The following ACSM1 variants were observed in gnomAD, a reference collection of about 807,000 sequenced individuals.
ACSM1 encodes the protein acyl-coenzyme A synthetase ACSM1, mitochondrial.
ACSM1 carries 79 observed loss-of-function variants against 75.8 expected under a neutral mutation model. That is an observed-to-expected ratio of 1.04 (90% CI 0.87 to 1.26). The LOEUF (loss-of-function observed/expected upper bound fraction) is 1.26, where lower values mean the gene tolerates loss of function less well. ACSM1 is among the 50% of genes most tolerant of loss of function. ACSM1 has a pLI of 0.00. For missense variants in ACSM1, 676 were observed against 720.1 expected, an observed-to-expected ratio of 0.94 and a Z score of 0.70; for synonymous variants, 279 against 265.8, an observed-to-expected ratio of 1.05 and a Z score of -0.48.
chr16:20,695,680 C>CATCT (rs35535609), intron 1 of ACSM1, among the ~76,000 whole-genome samples: 46,536 of 150,908 alleles, frequency 0.31, 7,467 homozygotes, highest in East Asian at 0.5. Flanking sequence ...ATCTATCTAT[C>CATCT]ATCTATCTAT....
intron 10 of ACSM1, among the ~76,000 whole-genome samples, chr16:20,636,443 G>A (rs918523030): frequency 6.6e-6 from 1 of 152,158 alleles, no homozygotes. Flanking sequence ...TTGTTGGTAA[G>A]TGAGATGGTA....
intron 1 of ACSM1, among the ~76,000 whole-genome samples, chr16:20,692,069 G>A (rs1383862222): frequency 2.0e-5 from 3 of 152,180 alleles, no homozygotes; most frequent in African/African-American, 7.2e-5. Flanking sequence ...TCCTTTGCCT[G>A]AGACTGGGTT....
intron 7 of ACSM1, among the ~76,000 whole-genome samples, chr16:20,642,391 T>C (rs914270027): frequency 8.5e-5 from 13 of 152,212 alleles, no homozygotes; most frequent in African/African-American, 3.1e-4. Context: ...CTCCTCTTAA[T>C]GGGTGAGAAG....
chr16:20,644,089 A>G (rs1269352709), intron 7 of ACSM1, among the ~76,000 whole-genome samples: 2 of 152,164 alleles, frequency 1.3e-5, no homozygotes, highest in Admixed American at 6.5e-5. Context: ...GCTAGACACA[A>G]AAGTTCTCCA....
intron 4 of ACSM1, among the ~76,000 whole-genome samples, chr16:20,674,262 C>T (rs1443932911): frequency 1.3e-5 from 2 of 152,206 alleles, no homozygotes; most frequent in East Asian, 1.9e-4. Flanking sequence ...CTCTCCCTTT[C>T]CCAGGCATTG....
intron 6 of ACSM1, among the ~76,000 whole-genome samples, chr16:20,668,098 C>T (rs1048290704): frequency 9.2e-5 from 14 of 152,054 alleles, no homozygotes; most frequent in African/African-American, 3.4e-4. Flanking sequence ...TATTCTTACT[C>T]CAAACCTCAG....
Position 20,682,415 on chromosome 16 carries a change from A to T in ACSM1, c.452T>A (p.Leu151His). ...GGCTTTAGACAACTGTAGTCGATAGAGAATGTCTTTGGCCTTCAACAGGAT... is the reference window on the plus strand; with the variant it reads ...GGCTTTAGACAACTGTAGTCGATAGTGAATGTCTTTGGCCTTCAACAGGAT... ...ATILLKAKDI[L>H]YRLQLSKAKG... Residue 151 changes from leucine to histidine, a missense_variant, in exon 4 of 14, where the codon CTC becomes CAC. Leu to His is a moderately conservative substitution (Grantham distance 99). Coordinates refer to ENST00000520010, the MANE Select transcript of ACSM1 (RefSeq NM_001318890.3). The T allele has an allele frequency of 1.2e-6, 2 of 1,613,944 alleles. No homozygotes were observed. Among genetic ancestry groups the T allele is most frequent in the South Asian group, 1.1e-5 (1 of 91,066 alleles).
chr16:20,666,065 T>C (rs1050788147), intron 6 of ACSM1, among the ~76,000 whole-genome samples: 1 of 151,994 alleles, frequency 6.6e-6, no homozygotes, highest in Non-Finnish European at 1.5e-5. Flanking sequence ...CCCATGCGAA[T>C]TGGAAAAAGT....
chr16:20,639,952 T>C (rs754745074), intron 8 of ACSM1, among the ~76,000 whole-genome samples: 5 of 152,248 alleles, frequency 3.3e-5, no homozygotes, highest in South Asian at 2.1e-4. Flanking sequence ...ACTACATGCC[T>C]CCGCCACAAT....
At chr16:20,644,068 A>G (rs2018223027) in intron 7 of ACSM1, among the ~76,000 whole-genome samples, 1 of 152,186 alleles carries the variant, frequency 6.6e-6, no homozygotes. Context: ...TGGTGCATTT[A>G]CAATCCTTTA....
chr16:20,627,887 T>C (rs1436346881), intron 10 of ACSM1, among the ~76,000 whole-genome samples: 2,560 of 27,830 alleles, frequency 0.092, 125 homozygotes, highest in Non-Finnish European at 0.16. Context: ...TATATATATA[T>C]ATATATATAT....
chr16:20,678,891 C>T (rs1484677265), intron 4 of ACSM1, among the ~76,000 whole-genome samples: 7 of 152,016 alleles, frequency 4.6e-5, no homozygotes, highest in Admixed American at 3.3e-4. Flanking sequence ...ACTGGGTATT[C>T]CCCCTCTGAG....
chr16:20,680,675 A>G (rs7198885), intron 4 of ACSM1: 26,930 of 152,236 alleles, frequency 0.18, 2,914 homozygotes, highest in East Asian at 0.51. Flanking sequence ...GGGCAACAGT[A>G]TTATGATGAG....
intron 12 of ACSM1, 90 bp from the exon 13 acceptor site, chr16:20,624,305 G>A: frequency 6.9e-7 from 1 of 1,443,572 alleles, no homozygotes; most frequent in Non-Finnish European, 9.3e-7. Context: ...GTAAAACAAG[G>A]TGACACTGAA....
At chr16:20,695,554 GTCTA>G (rs3073746) in intron 1 of ACSM1, among the ~76,000 whole-genome samples, 11 of 151,356 alleles carry the variant, frequency 7.3e-5, no homozygotes, top group East Asian at 5.9e-4. Flanking sequence ...CTGATTATCT[GTCTA>G]TCTATCTATC....
intron 6 of ACSM1, among the ~76,000 whole-genome samples, chr16:20,669,524 G>A (rs2019771939): frequency 6.6e-6 from 1 of 151,580 alleles, no homozygotes. Flanking sequence ...TCCAGGATCT[G>A]GGAGACTTGG....
chr16:20,631,496 G>T (rs927665318), intron 10 of ACSM1, among the ~76,000 whole-genome samples: 1 of 152,142 alleles, frequency 6.6e-6, no homozygotes, highest in African/African-American at 2.4e-5. Flanking sequence ...ACTACCATTC[G>T]ATCCAGCAAT....
chr16:20,693,268 C>T (rs541661246), intron 1 of ACSM1, among the ~76,000 whole-genome samples: 4 of 152,088 alleles, frequency 2.6e-5, no homozygotes, highest in Admixed American at 6.5e-5. Context: ...CCTAGAGTAG[C>T]ATTCAGGACA....
At chr16:20,674,117 A>T in intron 4 of ACSM1, 2 of 449,026 alleles carry the variant, frequency 4.5e-6, no homozygotes, top group South Asian at 1.6e-5. Context: ...AACAGGAATT[A>T]AAAGAAATTA....
Sources: gnomAD v4.1 joint callset for allele counts (sites outside exome capture counted in the v4.1 genomes callset) on GRCh38, gnomAD v4.1.1 for gene constraint, MANE v1.5 for transcripts, NCBI Gene and HGNC (gene_info 2026-07-23, HGNC 2026-07-21) for gene names.